C19orf67: variants seen among roughly 807,000 people sequenced by gnomAD.
C19orf67 encodes UPF0575 protein C19orf67.
A neutral mutation model predicts 41.4 loss-of-function variants in C19orf67; 28 were observed. The observed-to-expected ratio is 0.68, with a 90% CI of 0.50 to 0.93. C19orf67 has a LOEUF of 0.93. Among genes scored for constraint, C19orf67 ranks in the 40% least tolerant of loss-of-function variants. The pLI, the probability that C19orf67 is intolerant of heterozygous loss-of-function variation, is 0.00. For missense variants in C19orf67, 421 were observed against 467.0 expected, an observed-to-expected ratio of 0.90 and a Z score of 0.91; for synonymous variants, 242 against 203.4, an observed-to-expected ratio of 1.19 and a Z score of -1.62.
rs1199273594 is a variant in C19orf67, at chr19:14,085,605, T to G, written c.23A>C (p.Glu8Ala). 2.6e-6 allele frequency: 4 copies of G among 1,534,624 alleles called. No homozygotes were observed. In the Admixed American group the frequency reaches 5.9e-5, roughly 23 times the overall value. MATEQWF[E>A]GSLPLDPGET... ...TCCAGGGTCCAGGGGGAGCGACCCCTCGAACCACTGCTCTGTAGCCATGGT... is the reference window on the plus strand; with the variant it reads ...TCCAGGGTCCAGGGGGAGCGACCCCGCGAACCACTGCTCTGTAGCCATGGT... The change falls in exon 1 of 6, where the codon GAG (glutamate) becomes GCG (alanine). Residue 8 changes from glutamate (E) to alanine (A), a missense_variant. Glu to Ala is a moderately radical substitution (Grantham distance 107). Transcript: ENST00000548523.
rs1976850102 is a variant in C19orf67, at chr19:14,085,757, C to A, written c.-130G>T. On this transcript the variant is annotated 5_prime_UTR_variant, in exon 1 of 6. Coordinates refer to ENST00000548523, the MANE Select transcript of C19orf67 (RefSeq NM_001277378.2). ...TGACCTCTCCACCGGAGCCGCGCCG[C>A]CGCGCCGGGGGCCGTTCGCCTCTTT... The A allele has an allele frequency of 1.2e-5, 8 of 670,336 alleles. No homozygotes were observed. In the South Asian group the frequency reaches 1.5e-4, roughly 12 times the overall value. The allele number at this position is 670,336 out of a possible 1,614,324, so 41.5% of individuals were successfully genotyped here.
At chr19:14,083,927 AC>A (rs1190910927) in intron 1 of C19orf67, 50 bp from the exon 2 acceptor site, 26 of 1,278,408 alleles carry the variant, frequency 2.0e-5, no homozygotes, top group Non-Finnish European at 2.5e-5. Flanking sequence ...ACCCCTCCCC[AC>A]CCCGCAGTTT....
chr19:14,081,858 C>G lies in C19orf67; in HGVS notation c.1053G>C (p.Ala351=). The change falls in exon 6 of 6, where the codon GCG becomes GCC. Residue 351 remains alanine, a synonymous_variant. Transcript: ENST00000548523. ...QARPPSAAGP[A]GWAAQGS is the part of the protein sequence containing the mutation. ...TTCAAGACCCCTGCGCTGCCCACCC[C>G]GCAGGCCCGGCTGCGCTCGGAGGCC... The G allele has an allele frequency of 6.5e-7, 1 of 1,533,038 alleles. No individual in the cohort carries two copies. Among genetic ancestry groups the G allele is most frequent in the Non-Finnish European group, 8.7e-7 (1 of 1,145,270 alleles). 95.0% of individuals were successfully genotyped at this position (1,533,038 alleles called of 1,614,324 possible). A position where few individuals can be genotyped will look rare whatever the true frequency, so the allele number is the denominator to read the frequency against.
In C19orf67 at chr19:14,083,786, C is replaced by G; in HGVS notation, c.427G>C (p.Ala143Pro). The part of the protein sequence containing the change: ...EPYFLYLEAA[A>P]RSIPPIYGPL... The stretch of plus-strand genomic sequence containing the variant: ...CCATAGATGGGGGGTATGCTTCTCG[C>G]GGCTGCCTCCAGGTACAGGAAGTAG... Residue 143 changes from alanine (A) to proline (P), a missense_variant, in exon 2 of 6, where the codon GCG becomes CCG. By Grantham distance (27) the Ala-to-Pro change is conservative (BLOSUM62 -1). Coordinates refer to ENST00000548523, the MANE Select transcript of C19orf67 (RefSeq NM_001277378.2). 7.0e-7 allele frequency: 1 copy of G among 1,421,604 alleles called. No homozygotes were observed. Among genetic ancestry groups the G allele is most frequent in the Non-Finnish European group, 9.2e-7 (1 of 1,089,122 alleles). 88.1% of individuals were successfully genotyped at this position (1,421,604 alleles called of 1,614,324 possible).
Position 14,085,504 on chromosome 19 carries a change from T to A in C19orf67, c.124A>T (p.Arg42Trp). 6.5e-7 allele frequency: 1 copy of A among 1,535,406 alleles called. No individual in the cohort carries two copies. Among genetic ancestry groups the A allele is most frequent in the Non-Finnish European group, 8.7e-7 (1 of 1,146,740 alleles). Residue 42 changes from arginine (R) to tryptophan (W), a missense_variant, in exon 1 of 6, where the codon AGG becomes TGG. Arg to Trp is a moderately radical substitution (Grantham distance 101). Coordinates refer to ENST00000548523, the MANE Select transcript of C19orf67 (RefSeq NM_001277378.2). ...GDPSRSTPPG[R>W]PGNPSEPDPE... ...TCCGGCTCAGATGGGTTCCCAGGCC[T>A]GCCAGGGGGCGTCGACCTGGAGGGG...
Position 14,081,860 on chromosome 19 carries a change from C to A in C19orf67, c.1051G>T (p.Ala351Ser), listed in dbSNP as rs1381730486. ...QARPPSAAGP[A>S]GWAAQGS ...CAAGACCCCTGCGCTGCCCACCCCGCAGGCCCGGCTGCGCTCGGAGGCCGG... is the reference window on the plus strand; with the variant it reads ...CAAGACCCCTGCGCTGCCCACCCCGAAGGCCCGGCTGCGCTCGGAGGCCGG... The change falls in exon 6 of 6, where the codon GCG becomes TCG. Residue 351 changes from alanine (A) to serine (S), a missense_variant. Ala to Ser is a moderately conservative substitution (Grantham distance 99, BLOSUM62 1). Around this residue, in one of 3 missense-constraint regions of C19orf67, gnomAD observed 253 missense variants for 307.0 expected, o/e 0.82. Coordinates refer to ENST00000548523, the MANE Select transcript of C19orf67 (RefSeq NM_001277378.2). 16 of 1,533,154 alleles carry A rather than the reference C, an allele frequency of 1.0e-5. No individual in the cohort carries two copies. The highest frequency in any genetic ancestry group is 1.3e-5 in the Non-Finnish European group (15 of 1,145,412). 95.0% of individuals were successfully genotyped at this position (1,533,154 alleles called of 1,614,324 possible).
intron 1 of C19orf67, 45 bp from the exon 2 acceptor site, chr19:14,083,922 T>G: frequency 7.8e-7 from 1 of 1,283,414 alleles, no homozygotes; most frequent in Non-Finnish European, 9.9e-7. Context: ...TCACAACCCC[T>G]CCCCACCCCG....
chr19:14,085,507 C>G lies in C19orf67; in HGVS notation c.121G>C (p.Gly41Arg). Residue 41 changes from glycine (G) to arginine (R), a missense_variant, in exon 1 of 6, where the codon GGC becomes CGC. Coordinates refer to ENST00000548523, the MANE Select transcript of C19orf67 (RefSeq NM_001277378.2). ...CGDPSRSTPP[G>R]RPGNPSEPDP... is the part of the protein sequence containing the mutation. ...GGCTCAGATGGGTTCCCAGGCCTGC[C>G]AGGGGGCGTCGACCTGGAGGGGTCT... 6.5e-7 allele frequency: 1 copy of G among 1,535,420 alleles called. No homozygotes were observed.
intron 4 of C19orf67, among the ~76,000 whole-genome samples, 156 bp from the exon 5 acceptor site, chr19:14,082,759 A>G (rs530740656): frequency 1.2e-3 from 184 of 152,120 alleles, no homozygotes; most frequent in South Asian, 5.2e-3. Context: ...CTGCCAGCCT[A>G]CTTTTAAGAT....
At chr19:14,083,919 C>T in intron 1 of C19orf67, 42 bp from the exon 2 acceptor site, 1 of 1,287,494 alleles carries the variant, frequency 7.8e-7, no homozygotes, top group South Asian at 2.9e-5. Context: ...CCCTCACAAC[C>T]CCTCCCCACC....
rs1308245956 is a variant in C19orf67, at chr19:14,081,912, C to T, written c.999G>A (p.Gln333=). ...CCTGGCCTGCCTGGCCCGTGAGGAT[C>T]TGCACCAGCAGGTCGGTGGCCAGCG... ...TPTLATDLLV[Q]ILTGQAGQAR... Residue 333 remains glutamine, a synonymous_variant, in exon 6 of 6, where the codon CAG becomes CAA. Transcript: ENST00000548523. The T allele has an allele frequency of 6.5e-7, 1 of 1,534,394 alleles. No individual in the cohort carries two copies. Among genetic ancestry groups the T allele is most frequent in the Non-Finnish European group, 8.7e-7 (1 of 1,145,804 alleles).
Position 14,083,563 on chromosome 19 carries a change from G to A in C19orf67, c.523C>T (p.Leu175=), listed in dbSNP as rs1458099921. 1.3e-6 allele frequency: 2 copies of A among 1,535,996 alleles called. No individual in the cohort carries two copies. Among genetic ancestry groups the A allele is most frequent in the African/African-American group, 1.4e-5 (1 of 73,042 alleles). ...SQQLTLRLEQ[L]VLMYASFGFV... ...CCAAAGGAAGCGTACATGAGGACCA[G>A]CTGTTCCAGGCGCAGGGTCAGCTGT... is the stretch of plus-strand genomic sequence containing the variant. The change falls in exon 3 of 6, where the codon CTG becomes TTG. Residue 175 remains leucine (L), a synonymous_variant. Coordinates refer to ENST00000548523, the MANE Select transcript of C19orf67 (RefSeq NM_001277378.2).
chr19:14,083,264 C>T lies in C19orf67; in HGVS notation c.740G>A (p.Gly247Asp). The change falls in exon 4 of 6, where the codon GGT becomes GAT. Residue 247 changes from glycine (G) to aspartate (D), a missense_variant. Gly to Asp is a moderately conservative substitution (Grantham distance 94). Coordinates refer to ENST00000548523, the MANE Select transcript of C19orf67 (RefSeq NM_001277378.2). Reference sequence around the variant, plus strand: ...ATCCACAAGGGAATCTTGTCCCCGACCAGGGGCCTCTGGGGTGGCTTCCAG... The same window carrying T: ...ATCCACAAGGGAATCTTGTCCCCGATCAGGGGCCTCTGGGGTGGCTTCCAG... Reference protein sequence around the residue: ...WHLEATPEAPGRGQDSLVDYY... With the variant: ...WHLEATPEAPDRGQDSLVDYY... The T allele has an allele frequency of 6.5e-7, 1 of 1,536,060 alleles. No individual in the cohort carries two copies. The highest frequency in any genetic ancestry group is 8.7e-7 in the Non-Finnish European group (1 of 1,146,902).
In C19orf67 at chr19:14,082,512, G is replaced by C; in HGVS notation, c.859C>G (p.Arg287Gly). Residue 287 changes from arginine to glycine, a missense_variant, in exon 5 of 6, where the codon CGA becomes GGA. Coordinates refer to ENST00000548523, the MANE Select transcript of C19orf67 (RefSeq NM_001277378.2). The stretch of plus-strand genomic sequence containing the variant: ...TCGGCTGGTCCTAGGGGCACCCATC[G>C]GCCGATGGACCACAGCTTCTGGATC... ...PQIQKLWSIG[R>G]WVPLGPAEDD... 1 of 1,536,194 alleles carries C rather than the reference G, an allele frequency of 6.5e-7. No homozygotes were observed. The highest frequency in any genetic ancestry group is 8.7e-7 in the Non-Finnish European group (1 of 1,146,900).
intron 1 of C19orf67, 101 bp downstream of exon 1, chr19:14,085,192 T>C (rs549542089): frequency 1.9e-4 from 167 of 860,550 alleles, no homozygotes; most frequent in Non-Finnish European, 3.0e-4. Flanking sequence ...CTCTGGCTCC[T>C]AGCGCTTGTA....
chr19:14,084,432 G>C (rs911891578), intron 1 of C19orf67, among the ~76,000 whole-genome samples: 1 of 150,600 alleles, frequency 6.6e-6, no homozygotes, highest in Non-Finnish European at 1.5e-5. Flanking sequence ...CCTCGAACCT[G>C]GGAGGCGGAG....
At chr19:14,082,122 G>T in intron 5 of C19orf67, 114 bp from the exon 6 acceptor site, 1 of 987,506 alleles carries the variant, frequency 1.0e-6, no homozygotes, top group Non-Finnish European at 1.4e-6. Flanking sequence ...TTCAGCTGCG[G>T]GTGGGAAAAA....
At position 14,081,998 on chromosome 19, in the gene C19orf67, G is replaced by A; in HGVS notation, c.913C>T (p.Pro305Ser). The change falls in exon 6 of 6, where the codon CCG (proline) becomes TCG (serine). Residue 305 changes from proline to serine, a missense_variant. Around this residue, in one of 3 missense-constraint regions of C19orf67, gnomAD observed 253 missense variants for 307.0 expected, o/e 0.82. Coordinates refer to ENST00000548523, the MANE Select transcript of C19orf67 (RefSeq NM_001277378.2). Reference sequence around the variant, plus strand: ...TGCTGGTAGTCCCCAAGCGGCTGCGGGCACAAAATCCTGGGGTGGGGGGGC... The same window carrying A: ...TGCTGGTAGTCCCCAAGCGGCTGCGAGCACAAAATCCTGGGGTGGGGGGGC... ...EDDLYSWILC[P>S]QPLGDYQQLL... is the part of the protein sequence containing the mutation. 6.6e-7 allele frequency: 1 copy of A among 1,510,592 alleles called. No individual in the cohort carries two copies. Among genetic ancestry groups the A allele is most frequent in the Non-Finnish European group, 8.8e-7 (1 of 1,133,410 alleles). 93.6% of individuals were successfully genotyped at this position (1,510,592 alleles called of 1,614,324 possible).
rs1436063415 is a variant in C19orf67, at chr19:14,085,598, C to A, written c.30G>T (p.Ser10=). 6.5e-7 allele frequency: 1 copy of A among 1,534,934 alleles called. No homozygotes were observed. The highest frequency in any genetic ancestry group is 8.7e-7 in the Non-Finnish European group (1 of 1,146,492). The change falls in exon 1 of 6, where the codon TCG becomes TCT. Residue 10 remains serine, a synonymous_variant. Coordinates refer to ENST00000548523, the MANE Select transcript of C19orf67 (RefSeq NM_001277378.2). ...GTGTTTCTCCAGGGTCCAGGGGGAG[C>A]GACCCCTCGAACCACTGCTCTGTAG... MATEQWFEG[S]LPLDPGETPP...
Sources: allele counts gnomAD v4.1 joint callset (sites outside exome capture counted in the v4.1 genomes callset), GRCh38; gene constraint gnomAD v4.1.1; regional missense constraint gnomAD v4.1.1; transcripts MANE v1.5; gene names NCBI Gene and HGNC (gene_info 2026-07-23, HGNC 2026-07-21).